CLCN2: variants seen among roughly 807,000 people sequenced by gnomAD.
The protein encoded by CLCN2 is chloride voltage-gated channel 2.
A neutral mutation model predicts 108.3 loss-of-function variants in CLCN2; 72 were observed. The observed-to-expected ratio is 0.66, with a 90% CI of 0.55 to 0.81. CLCN2 has a LOEUF of 0.81. Among genes scored for constraint, CLCN2 ranks in the 30% least tolerant of loss-of-function variants. The pLI is 0.00. For synonymous variants in CLCN2, 471 were observed against 467.1 expected (o/e 1.01, Z -0.11); for missense variants, 1,048 against 1,205.2 (o/e 0.87, Z 1.93).
chr3:184,359,053 G>T lies in CLCN2; in HGVS notation c.142C>A (p.Pro48Thr). 1 of 1,613,710 alleles carries T rather than the reference G, an allele frequency of 6.2e-7. No individual in the cohort carries two copies. Among genetic ancestry groups the T allele is most frequent in the East Asian group, 2.2e-5 (1 of 44,880 alleles). Residue 48 changes from proline to threonine, a missense_variant, in exon 2 of 24, where the codon CCC becomes ACC. Transcript: ENST00000265593. ...AARIRLGGPEPWKGPPSSRAA... is the reference protein window; with the variant it reads ...AARIRLGGPETWKGPPSSRAA... Reference sequence around the variant, plus strand: ...CGAGAGGAAGGGGGACCTTTCCAGGGTTCAGGCCCTCCCAGGCGAATCCGA... The same window carrying T: ...CGAGAGGAAGGGGGACCTTTCCAGGTTTCAGGCCCTCCCAGGCGAATCCGA...
chr3:184,354,754 C>G, intron 13 of CLCN2, 96 bp from the exon 14 acceptor site: 1 of 1,311,548 alleles, frequency 7.6e-7, no homozygotes, highest in South Asian at 1.2e-5. Context: ...GAGGGGCCAA[C>G]GGGTCATTCA....
intron 22 of CLCN2, chr3:184,349,394 C>T (rs1727933617): frequency 6.6e-6 from 1 of 152,130 alleles, no homozygotes; most frequent in South Asian, 2.1e-4. Flanking sequence ...CCATTGCACT[C>T]CAGCCTGGTG....
intron 1 of CLCN2, among the ~76,000 whole-genome samples, chr3:184,360,616 A>G (rs941286418): frequency 6.6e-6 from 1 of 152,160 alleles, no homozygotes; most frequent in Non-Finnish European, 1.5e-5. Context: ...GCTGGTAAAA[A>G]GGAACCACGG....
In CLCN2 at chr3:184,355,279, C is replaced by G; in HGVS notation, c.1326+95G>C. On this transcript the variant is annotated intron_variant, in intron 12 of 23. Coordinates refer to ENST00000265593, the MANE Select transcript of CLCN2 (RefSeq NM_004366.6). This position sits in a 1 kb window ranked among gnomAD's most constrained non-coding sequence, Gnocchi z 6.3. ...GGTGATAATAGTGCCTTTCCCATGG[C>G]ACTGTGGAGAGGCTTCGAGGAGTGA... The G allele has an allele frequency of 7.3e-7, 1 of 1,362,002 alleles. No homozygotes were observed. Among genetic ancestry groups the G allele is most frequent in the Non-Finnish European group, 1.0e-6 (1 of 952,880 alleles). The allele number at this position is 1,362,002 out of a possible 1,614,324, so 84.4% of individuals were successfully genotyped here.
Position 184,358,966 on chromosome 3 carries a change from A to G in CLCN2, c.220+9T>C, listed in dbSNP as rs1711622329. On this transcript the variant is annotated intron_variant, in intron 2 of 23. Coordinates refer to ENST00000265593, the MANE Select transcript of CLCN2 (RefSeq NM_004366.6). ...CAGCCAGGTCCCCTGCCCCCACCCC[A>G]GTTCTCACCGCGGCATCGGGCGCAA... The G allele has an allele frequency of 1.2e-6, 2 of 1,612,982 alleles. No homozygotes were observed. Among genetic ancestry groups the G allele is most frequent in the African/African-American group, 1.3e-5 (1 of 74,814 alleles).
At position 184,355,478 on chromosome 3, in the gene CLCN2, G is replaced by A. The variant is rs1728477758; in HGVS notation, c.1222C>T (p.Arg408Cys). The change falls in exon 12 of 24, where the codon CGC becomes TGC. Residue 408 changes from arginine (R) to cysteine (C), a missense_variant. Physicochemically the swap from Arg to Cys is radical, Grantham distance 180 (BLOSUM62 -3). Coordinates refer to ENST00000265593, the MANE Select transcript of CLCN2 (RefSeq NM_004366.6). The surrounding 1 kb of genome is among the most constrained non-coding windows in gnomAD (Gnocchi z 6.3). ...VTLFDNRTWV[R>C]QGLVEELEPP... The stretch of plus-strand genomic sequence containing the variant: ...TCTAGCTCCTCCACCAGGCCCTGGC[G>A]GACCCACGTCCGATTGTCAAACAGG... 3.1e-6 allele frequency: 5 copies of A among 1,614,070 alleles called. No individual in the cohort carries two copies. The highest frequency in any genetic ancestry group is 2.2e-5 in the South Asian group (2 of 91,078).
chr3:184,357,141 C>G, intron 9 of CLCN2, 41 bp downstream of exon 9: 1 of 1,609,606 alleles, frequency 6.2e-7, no homozygotes. Flanking sequence ...TTCTAGAAAC[C>G]CCCCTCCTCT....
chr3:184,356,896 T>C (rs1577321375), intron 10 of CLCN2, 97 bp downstream of exon 10: 2 of 850,420 alleles, frequency 2.4e-6, no homozygotes, highest in Non-Finnish European at 4.0e-6. Context: ...GAAGTGCCTG[T>C]TTTGACTGGG....
At position 184,357,502 on chromosome 3, in the gene CLCN2, GA is replaced by G; in HGVS notation, c.773-16del. ...GAAGAGGACGCCTGTGAGGGGGAGGGAGACCAGCACTTGAGGCCTGGGCCTG... is the reference window on the plus strand; with the variant it reads ...GAAGAGGACGCCTGTGAGGGGGAGGGGACCAGCACTTGAGGCCTGGGCCTG... On this transcript the variant is annotated splice_polypyrimidine_tract_variant and intron_variant, in intron 7 of 23. Transcript: ENST00000265593. The G allele has an allele frequency of 6.2e-7, 1 of 1,614,168 alleles. No individual in the cohort carries two copies.
Position 184,353,333 on chromosome 3 carries a change from T to C in CLCN2, c.1945A>G (p.Met649Val), listed in dbSNP as rs1176973387. The C allele has an allele frequency of 5.6e-6, 9 of 1,613,180 alleles. No homozygotes were observed. Among genetic ancestry groups the C allele is most frequent in the Non-Finnish European group, 7.6e-6 (9 of 1,179,934 alleles). Residue 649 changes from methionine to valine, a missense_variant, in exon 17 of 24, where the codon ATG becomes GTG. By Grantham distance (21) the Met-to-Val change is conservative (BLOSUM62 1). Coordinates refer to ENST00000265593, the MANE Select transcript of CLCN2 (RefSeq NM_004366.6). ...GTCTGGGTGGCTCTGCGCTCCTGCA[T>C]GTGCTGCCGCCGGCGGGCTGGGCTC... ...QLSPARRRQH[M>V]QERRATQTSP...
rs137852682 is a variant in CLCN2 at position 184,353,787 on chromosome 3, C to G, written c.1730G>C (p.Arg577Pro). ...ELGWGRHQQY[R>P]VRVEDIMVRD... ...CACCATGATGTCCTCCACACGCACC[C>G]GGTACTGCCTGGGGGCCGAGAGAGG... Residue 577 changes from arginine to proline, a missense_variant, in exon 16 of 24, where the codon CGG becomes CCG. Transcript: ENST00000265593. The G allele has an allele frequency of 1.2e-6, 2 of 1,606,072 alleles. No homozygotes were observed. Among genetic ancestry groups the G allele is most frequent in the Non-Finnish European group, 1.7e-6 (2 of 1,176,934 alleles).
Position 184,355,738 on chromosome 3 carries a change from T to C in CLCN2, c.1126A>G (p.Thr376Ala), listed in dbSNP as rs1178211128. The C allele has an allele frequency of 2.5e-6, 4 of 1,614,096 alleles. No individual in the cohort carries two copies. ...CCAAAGCCAGGGGGGAAGGTCAGCG[T>C]GGAGATGAGCAGGGTCACCAGAGCC... ...FPALVTLLIS[T>A]LTFPPGFGQF... The change falls in exon 11 of 24, where the codon ACG becomes GCG. Residue 376 changes from threonine (T) to alanine (A), a missense_variant. Thr to Ala is a moderately conservative substitution (Grantham distance 58). Coordinates refer to ENST00000265593, the MANE Select transcript of CLCN2 (RefSeq NM_004366.6). The surrounding 1 kb of genome is among the most constrained non-coding windows in gnomAD (Gnocchi z 6.3).
chr3:184,360,280 C>A (rs1577330828), intron 1 of CLCN2, among the ~76,000 whole-genome samples: 1 of 151,894 alleles, frequency 6.6e-6, no homozygotes, highest in Non-Finnish European at 1.5e-5. Flanking sequence ...CACAGAGTGC[C>A]CGGGACAGAG....
rs779419691 is a variant in CLCN2, at chr3:184,361,453, C to T, written c.27G>A (p.Gly9=). The T allele has an allele frequency of 6.2e-7, 1 of 1,613,106 alleles. No homozygotes were observed. The highest frequency in any genetic ancestry group is 1.7e-5 in the Admixed American group (1 of 60,034). Residue 9 remains glycine, a synonymous_variant, in exon 1 of 24, where the codon GGG becomes GGA. Transcript: ENST00000265593. The surrounding 1 kb of genome is among the most constrained non-coding windows in gnomAD (Gnocchi z 6.6). ...CGTACTGCAGCGCCCGTGGCTCCAT[C>T]CCTTCCTCCGCCGCCGCGGCCGCCA... MAAAAAEE[G]MEPRALQYEQ...
At chr3:184,359,216 T>C (rs1304279389) in intron 1 of CLCN2, 85 bp from the exon 2 acceptor site, 2 of 1,511,400 alleles carry the variant, frequency 1.3e-6, no homozygotes, top group Non-Finnish European at 1.8e-6. Flanking sequence ...CCACTCCTCT[T>C]CTCCCAGCCC....
At position 184,357,498 on chromosome 3, in the gene CLCN2, G is replaced by T. The variant is rs1452402929; in HGVS notation, c.773-11C>A. 6.2e-7 allele frequency: 1 copy of T among 1,614,042 alleles called. No individual in the cohort carries two copies. The highest frequency in any genetic ancestry group is 2.2e-5 in the East Asian group (1 of 44,888). The stretch of plus-strand genomic sequence containing the variant: ...TGCTGAAGAGGACGCCTGTGAGGGG[G>T]AGGGAGACCAGCACTTGAGGCCTGG... On this transcript the variant is annotated splice_polypyrimidine_tract_variant and intron_variant, in intron 7 of 23. Coordinates refer to ENST00000265593, the MANE Select transcript of CLCN2 (RefSeq NM_004366.6).
rs1280003296 is a variant in CLCN2, at chr3:184,361,387, A to C, written c.63+30T>G. ...ACCTGGAGCAGGGGTCCCGGAGCGCACTCCTGGGGCTCAGCTCAGCTTCAC... is the reference window on the plus strand; with the variant it reads ...ACCTGGAGCAGGGGTCCCGGAGCGCCCTCCTGGGGCTCAGCTCAGCTTCAC... On this transcript the variant is annotated intron_variant, in intron 1 of 23. Coordinates refer to ENST00000265593, the MANE Select transcript of CLCN2 (RefSeq NM_004366.6). The surrounding 1 kb of genome is among the most constrained non-coding windows in gnomAD (Gnocchi z 6.6). 1 of 1,608,946 alleles carries C rather than the reference A, an allele frequency of 6.2e-7. No homozygotes were observed. Among genetic ancestry groups the C allele is most frequent in the African/African-American group, 1.3e-5 (1 of 74,736 alleles).
chr3:184,359,006 T>C lies in CLCN2; in HGVS notation c.189A>G (p.Glu63=), dbSNP rs199970753. Residue 63 remains glutamate, a synonymous_variant, in exon 2 of 24, where the codon GAA becomes GAG. Transcript: ENST00000265593. ...PSSRAAPELL[E]YGRSRCARCR... ...ATCGGGCGCAACGGCTCCGTCCATA[T>C]TCCAAGAGCTCTGGGGCAGCCCGAG... The C allele has an allele frequency of 3.1e-6, 5 of 1,613,592 alleles. No individual in the cohort carries two copies. The African/African-American group carries it at 5.3e-5, about 17-fold the overall frequency.
chr3:184,358,392 T>A, intron 3 of CLCN2, 82 bp from the exon 4 acceptor site: 1 of 1,586,566 alleles, frequency 6.3e-7, no homozygotes, highest in Non-Finnish European at 8.6e-7. Context: ...TACGACAGGC[T>A]GTCCCAGGGA....
Sources: gnomAD v4.1 joint callset for allele counts (sites outside exome capture counted in the v4.1 genomes callset) on GRCh38, gnomAD v4.1.1 for gene constraint, Gnocchi (gnomAD v3.1) non-coding constraint, MANE v1.5 for transcripts, NCBI Gene and HGNC (gene_info 2026-07-23, HGNC 2026-07-21) for gene names.